The following WDR20 variants were observed in gnomAD, a reference collection of about 807,000 sequenced individuals.
WDR20 encodes the protein WD repeat domain 20, also known as WD repeat-containing protein 20.
WDR20 carries 3 observed loss-of-function variants against 38.7 expected under a neutral mutation model. The observed-to-expected ratio is 0.08, with a 90% CI of 0.04 to 0.20. The LOEUF (loss-of-function observed/expected upper bound fraction) is 0.20, where lower values mean the gene tolerates loss of function less well. Ranked by LOEUF, WDR20 falls within the 10% of genes least tolerant of loss-of-function variation. The pLI is 1.00. For synonymous variants in WDR20, 298 were observed against 285.6 expected, an observed-to-expected ratio of 1.04 and a Z score of -0.44; for missense variants, 559 against 727.7, an observed-to-expected ratio of 0.77 and a Z score of 2.67.
At chr14:102,142,298 CATTT>C (rs2051547425) in intron 1 of WDR20, among the ~76,000 whole-genome samples, 1 of 151,958 alleles carries the variant, frequency 6.6e-6, no homozygotes, top group African/African-American at 2.4e-5. Context: ...AATGAGTTGG[CATTT>C]ATTTGTTGTT....
intron 1 of WDR20, among the ~76,000 whole-genome samples, chr14:102,151,963 C>G (rs1355850188): frequency 6.6e-6 from 1 of 152,014 alleles, no homozygotes. Flanking sequence ...GCTCTGTTGC[C>G]CAGGCTGGAG....
chr14:102,217,772 G>GT (rs1478438129), downstream of WDR20, among the ~76,000 whole-genome samples: 1 of 152,262 alleles, frequency 6.6e-6, no homozygotes, highest in Non-Finnish European at 1.5e-5. Context: ...CACGTGAGCA[G>GT]TTAAGGAGTG....
downstream of WDR20, chr14:102,212,633 G>A (rs567487901): frequency 3.4e-5 from 52 of 1,534,218 alleles, no homozygotes; most frequent in African/African-American, 4.5e-4. Context: ...GCAGGGAAGC[G>A]CCCTTCTCCT....
chr14:102,159,372 T>C (rs2058153696), intron 1 of WDR20, among the ~76,000 whole-genome samples: 1 of 152,170 alleles, frequency 6.6e-6, no homozygotes, highest in Non-Finnish European at 1.5e-5. Context: ...CAGAGCTACA[T>C]CAGCATCATC....
At chr14:102,141,534 CA>C (rs2051176353) in intron 1 of WDR20, among the ~76,000 whole-genome samples, 2 of 151,934 alleles carry the variant, frequency 1.3e-5, no homozygotes. Flanking sequence ...AAGTAGTCTT[CA>C]GTCTAGGGGC....
chr14:102,194,855 A>G (rs894139515), intron 1 of WDR20, 83 bp from the exon 2 acceptor site: 33 of 1,360,380 alleles, frequency 2.4e-5, no homozygotes, highest in Non-Finnish European at 3.1e-5. Flanking sequence ...ATGAAACATC[A>G]TAATGGAGTA....
chr14:102,220,003 ATGAG>A (rs1216558429), downstream of WDR20, among the ~76,000 whole-genome samples: 2 of 152,246 alleles, frequency 1.3e-5, no homozygotes, highest in Non-Finnish European at 2.9e-5. The surrounding 1 kb of genome is among the most constrained non-coding windows in gnomAD (Gnocchi z 4.2). Flanking sequence ...AAACTGGAGA[ATGAG>A]TGTGCATTTG....
At chr14:102,197,393 G>A (rs1231436747) in intron 2 of WDR20, among the ~76,000 whole-genome samples, 1 of 152,206 alleles carries the variant, frequency 6.6e-6, no homozygotes, top group African/African-American at 2.4e-5. Context: ...GAATTCTTTA[G>A]TATGCATTTT....
chr14:102,139,471 C>T, upstream of WDR20: 11 of 1,454,248 alleles, frequency 7.6e-6, no homozygotes, highest in Non-Finnish European at 1.0e-5. Flanking sequence ...GGCGCTCTTC[C>T]TCCGCTCTTT....
chr14:102,154,836 T>C (rs1398353631), intron 1 of WDR20, among the ~76,000 whole-genome samples: 2 of 152,244 alleles, frequency 1.3e-5, no homozygotes, highest in Non-Finnish European at 2.9e-5. Context: ...TAGAGCACTT[T>C]AGTTGAGCTT....
chr14:102,181,828 G>A (rs2063454437), intron 1 of WDR20, among the ~76,000 whole-genome samples: 1 of 152,046 alleles, frequency 6.6e-6, no homozygotes, highest in Non-Finnish European at 1.5e-5. Flanking sequence ...TTTGGATTAT[G>A]GTTGATTTTA....
At chr14:102,193,566 G>A in intron 1 of WDR20, 2 of 1,580,432 alleles carry the variant, frequency 1.3e-6, no homozygotes, top group Non-Finnish European at 1.7e-6. Context: ...CTTTGCCCTG[G>A]GGCTCCCAGA....
chr14:102,149,589 A>C (rs1318089633), intron 1 of WDR20, among the ~76,000 whole-genome samples: 1 of 152,170 alleles, frequency 6.6e-6, no homozygotes, highest in East Asian at 1.9e-4. Context: ...TTTCTGATTG[A>C]GCGTAAGATG....
chr14:102,142,908 G>A (rs2152669109), intron 1 of WDR20, among the ~76,000 whole-genome samples: 1 of 151,048 alleles, frequency 6.6e-6, no homozygotes, highest in Middle Eastern at 3.4e-3. Flanking sequence ...TAGAAAATAG[G>A]TCTTTTAAAG....
intron 1 of WDR20, among the ~76,000 whole-genome samples, chr14:102,166,264 T>G (rs2059765646): frequency 6.6e-6 from 1 of 152,226 alleles, no homozygotes; most frequent in South Asian, 2.1e-4. Flanking sequence ...TAAGTTTCTA[T>G]GCTGTTTAAT....
In WDR20 at chr14:102,181,302, G is replaced by C. The variant is rs188671182; in HGVS notation, c.250-13636G>C. 4.9e-3 allele frequency among the ~76,000 whole-genome samples: 752 copies of C among 152,316 alleles called. 6 individuals carry two copies. Among genetic ancestry groups the C allele is most frequent in the Non-Finnish European group, 5.6e-3 (383 of 68,024 alleles). ...AAGACCACAGGTGAGAGGAGAAGGA[G>C]ACTGAGAAATGAGGGCTTTGGGTTA... On this transcript the variant is annotated intron_variant, in intron 1 of 2. Coordinates refer to ENST00000342702, the MANE Select transcript of WDR20 (RefSeq NM_144574.4).
intron 2 of WDR20, 91 bp downstream of exon 2, chr14:102,195,211 C>A: frequency 1.4e-6 from 2 of 1,426,834 alleles, no homozygotes; most frequent in Non-Finnish European, 1.9e-6. Flanking sequence ...GCACTTCAAG[C>A]TAAGCCCATT....
At chr14:102,181,713 A>G (rs533768964) in intron 1 of WDR20, among the ~76,000 whole-genome samples, 3 of 152,102 alleles carry the variant, frequency 2.0e-5, no homozygotes, top group Non-Finnish European at 4.4e-5. Context: ...TTAATTCTAT[A>G]TATTACGTCA....
chr14:102,214,476 A>G (rs561806272), downstream of WDR20: 1 of 985,468 alleles, frequency 1.0e-6, no homozygotes, highest in Non-Finnish European at 1.2e-6. Context: ...CCCCTCCAGT[A>G]GAGGGAGACT....
Sources: allele counts gnomAD v4.1 joint callset (sites outside exome capture counted in the v4.1 genomes callset), GRCh38; gene constraint gnomAD v4.1.1; non-coding constraint Gnocchi (gnomAD v3.1); transcripts MANE v1.5; gene names NCBI Gene and HGNC (gene_info 2026-07-23, HGNC 2026-07-21).